The following CSMD1 variants were observed in gnomAD, a reference collection of about 807,000 sequenced individuals.
CSMD1 encodes the protein CUB and Sushi multiple domains 1, also known as CUB and sushi domain-containing protein 1.
CSMD1 carries 213 observed loss-of-function variants against 417.5 expected under a neutral mutation model. The ratio of observed to expected loss-of-function variants is 0.51; its 90% CI spans 0.46 to 0.57. The LOEUF (loss-of-function observed/expected upper bound fraction) is 0.57. Ranked by LOEUF, CSMD1 falls within the 20% of genes least tolerant of loss-of-function variation. The pLI is 0.00. For synonymous variants in CSMD1, 2,862 were observed against 1,736.8 expected, an observed-to-expected ratio of 1.65 and a Z score of -16.11; for missense variants, 6,923 against 4,529.7, an observed-to-expected ratio of 1.53 and a Z score of -15.17.
chr8:3,722,247 G>A (rs548226986), intron 6 of CSMD1, among the ~76,000 whole-genome samples: 108 of 152,258 alleles, frequency 7.1e-4, no homozygotes, highest in Middle Eastern at 6.8e-3. Context: ...GGCAGAGATT[G>A]CAGTGAGTCG....
chr8:3,249,339 C>G (rs1800107902), intron 26 of CSMD1, among the ~76,000 whole-genome samples: 1 of 152,140 alleles, frequency 6.6e-6, no homozygotes, highest in Non-Finnish European at 1.5e-5. Flanking sequence ...CTCAATGCCT[C>G]AGCCACCCGA....
intron 3 of CSMD1, among the ~76,000 whole-genome samples, chr8:4,174,275 G>A (rs757567808): frequency 3.2e-4 from 48 of 152,118 alleles, no homozygotes; most frequent in Non-Finnish European, 7.3e-5. Flanking sequence ...CAAGAATAGA[G>A]GCTAAGTATT....
rs372855856 is a variant in CSMD1, at chr8:3,229,994, G to A, written c.4345+46C>T. On this transcript the variant is annotated intron_variant, in intron 27 of 69. Coordinates refer to ENST00000635120, the MANE Select transcript of CSMD1 (RefSeq NM_033225.6). ...TACGGAGCGCTTTTAACGACAACAT[G>A]CATCCATTCCTGAATATAAAATTTC... 236 of 1,312,214 alleles carry A rather than the reference G, an allele frequency of 1.8e-4. No homozygotes were observed. In the Middle Eastern group the frequency reaches 3.3e-3, roughly 19 times the overall value. The allele number at this position is 1,312,214 out of a possible 1,614,324, so 81.3% of individuals were successfully genotyped here.
intron 11 of CSMD1, among the ~76,000 whole-genome samples, chr8:3,493,292 T>G (rs1196936841): frequency 2.0e-5 from 1 of 50,420 alleles, no homozygotes; most frequent in East Asian, 4.7e-4. Context: ...AGAACCTGTC[T>G]CAAAAAAAAA....
intron 3 of CSMD1, among the ~76,000 whole-genome samples, chr8:4,042,815 T>TTAAAAAAAAAAAAAAAAAAA (rs1487345501): frequency 2.4e-5 from 1 of 41,312 alleles, no homozygotes; most frequent in Non-Finnish European, 4.3e-5. Context: ...TACAACATAT[T>TTAAAAAAAAAAAAAAAAAAA]AAAAAAAAAA....
intron 3 of CSMD1, among the ~76,000 whole-genome samples, chr8:4,277,406 T>A (rs967754260): frequency 6.6e-6 from 1 of 152,152 alleles, no homozygotes; most frequent in Admixed American, 6.6e-5. Flanking sequence ...CCAGCCCCCA[T>A]TTCCCCATCA....
At chr8:4,657,480 T>G (rs1804308228) in intron 1 of CSMD1, among the ~76,000 whole-genome samples, 1 of 152,190 alleles carries the variant, frequency 6.6e-6, no homozygotes, top group Non-Finnish European at 1.5e-5. Flanking sequence ...GTCAAAACGC[T>G]GTTTAAACAT....
intron 3 of CSMD1, among the ~76,000 whole-genome samples, chr8:4,254,968 G>A (rs558748062): frequency 2.0e-5 from 3 of 152,184 alleles, no homozygotes; most frequent in South Asian, 2.1e-4. Context: ...CATAACCATC[G>A]ACTTTAACAG....
At chr8:3,733,729 G>A (rs773977071) in intron 6 of CSMD1, among the ~76,000 whole-genome samples, 86 of 152,284 alleles carry the variant, frequency 5.6e-4, no homozygotes, top group Middle Eastern at 3.4e-3. Context: ...CCATGGGGTT[G>A]TGGTGTCTGT....
chr8:3,586,277 GA>G lies in CSMD1; in HGVS notation c.1098-18del, dbSNP rs5888973. 0.4 allele frequency: 549,485 copies of G among 1,375,944 alleles called. 82,527 individuals are homozygous for G. The highest frequency in any genetic ancestry group is 0.41 in the Middle Eastern group (2,171 of 5,262). The allele number at this position is 1,375,944 out of a possible 1,614,324, so 85.2% of individuals were successfully genotyped here. A position where few individuals can be genotyped will look rare whatever the true frequency, so the allele number is the denominator to read the frequency against. On this transcript the variant is annotated intron_variant, in intron 8 of 69. Coordinates refer to ENST00000635120, the MANE Select transcript of CSMD1 (RefSeq NM_033225.6). ...GCACCAACCCTAAGCCGTTAAAAAA[GA>G]AAAAAAAAAACCCAAATTATTTACA...
chr8:3,943,973 T>G (rs2129794347), intron 5 of CSMD1, among the ~76,000 whole-genome samples: 1 of 152,262 alleles, frequency 6.6e-6, no homozygotes, highest in Admixed American at 6.5e-5. Flanking sequence ...GGTCTGAAAA[T>G]TAGGCAATGA....
chr8:4,011,310 C>G (rs1816516554), intron 4 of CSMD1, among the ~76,000 whole-genome samples: 1 of 152,182 alleles, frequency 6.6e-6, no homozygotes, highest in Admixed American at 6.5e-5. Context: ...TTGCTCTCTG[C>G]ATATAACCGT....
At chr8:4,673,044 A>G (rs1805428798) in intron 1 of CSMD1, among the ~76,000 whole-genome samples, 1 of 151,684 alleles carries the variant, frequency 6.6e-6, no homozygotes. Context: ...GACACAACAC[A>G]CACACAAACA....
intron 50 of CSMD1, among the ~76,000 whole-genome samples, chr8:3,037,257 G>C (rs1325204506): frequency 1.3e-5 from 2 of 150,882 alleles, no homozygotes; most frequent in Non-Finnish European, 1.5e-5. Flanking sequence ...CCAGGCTGGA[G>C]TGCAGTGGCG....
At chr8:4,452,068 A>G (rs1446614251) in intron 2 of CSMD1, among the ~76,000 whole-genome samples, 1 of 152,034 alleles carries the variant, frequency 6.6e-6, no homozygotes, top group Non-Finnish European at 1.5e-5. Context: ...TAGGGGCCAG[A>G]ATGATCTCCT....
intron 10 of CSMD1, among the ~76,000 whole-genome samples, chr8:3,538,170 T>A (rs188307351): frequency 3.9e-5 from 6 of 152,258 alleles, no homozygotes; most frequent in African/African-American, 1.4e-4. Context: ...AAAAATTACA[T>A]GACGGATCAA....
intron 5 of CSMD1, among the ~76,000 whole-genome samples, chr8:3,808,782 C>T (rs540291482): frequency 3.3e-5 from 5 of 152,134 alleles, no homozygotes; most frequent in Non-Finnish European, 2.9e-5. Context: ...GGTAGTTTGT[C>T]TCGGAATTGG....
intron 3 of CSMD1, among the ~76,000 whole-genome samples, chr8:4,382,435 T>A (rs772649645): frequency 6.6e-6 from 1 of 152,220 alleles, no homozygotes; most frequent in Non-Finnish European, 1.5e-5. Context: ...TATTGTAGTA[T>A]AGTCTGGCCT....
intron 5 of CSMD1, among the ~76,000 whole-genome samples, chr8:3,932,138 T>C (rs374245035): frequency 2.0e-5 from 3 of 150,238 alleles, no homozygotes; most frequent in African/African-American, 7.4e-5. Context: ...GGCTTATATA[T>C]TGAGGACAGT....
Sources: allele counts gnomAD v4.1 joint callset (sites outside exome capture counted in the v4.1 genomes callset), GRCh38; gene constraint gnomAD v4.1.1; transcripts MANE v1.5; gene names NCBI Gene and HGNC (gene_info 2026-07-23, HGNC 2026-07-21).